Variants in AFF3 observed in about 807,000 individuals in gnomAD.
The protein encoded by AFF3 is AF4/FMR2 family member 3.
A neutral mutation model predicts 129.7 loss-of-function variants in AFF3; 32 were observed. That is an observed-to-expected ratio of 0.25 (90% confidence interval 0.19 to 0.33). The LOEUF (loss-of-function observed/expected upper bound fraction) is 0.33. AFF3 is among the 10% of genes least tolerant of loss of function. AFF3 has a pLI of 1.00. For missense variants in AFF3, 1,373 were observed against 1,592.0 expected (o/e 0.86, Z 2.34); for synonymous variants, 644 against 635.4 (o/e 1.01, Z -0.20).
chr2:99,575,414 A>ATTTTTTTTTTTTTTTTT (rs540441950), intron 18 of AFF3, among the ~76,000 whole-genome samples: 62 of 127,438 alleles, frequency 4.9e-4, no homozygotes, highest in African/African-American at 1.8e-3. Flanking sequence ...TGCCTGGCTA[A>ATTTTTTTTTTTTTTTTT]TTTTTTTTTT....
At chr2:99,611,864 G>C (rs1208743933) in intron 13 of AFF3, among the ~76,000 whole-genome samples, 1 of 150,712 alleles carries the variant, frequency 6.6e-6, no homozygotes, top group Non-Finnish European at 1.5e-5. Flanking sequence ...TCCAGCCTGG[G>C]CGACAGAGTG....
chr2:99,679,576 A>G (rs1674337465), intron 11 of AFF3, among the ~76,000 whole-genome samples: 1 of 152,200 alleles, frequency 6.6e-6, no homozygotes, highest in Admixed American at 6.5e-5. Context: ...GTCTTTCCCA[A>G]CAGTAAGCAT....
intron 7 of AFF3, among the ~76,000 whole-genome samples, chr2:99,948,638 C>A (rs535762789): frequency 5.3e-5 from 8 of 152,284 alleles, no homozygotes; most frequent in East Asian, 1.9e-4. Flanking sequence ...ATCCTCCTTG[C>A]CTAATTCTCA....
rs762635964 is a variant in AFF3 at position 99,594,212 on chromosome 2, C to T, written c.1449G>A (p.Leu483=). The T allele has an allele frequency of 3.1e-6, 5 of 1,614,038 alleles. No homozygotes were observed. The East Asian group carries it at 1.1e-4, about 36-fold the overall frequency. The change falls in exon 15 of 25, where the codon CTG becomes CTA. Residue 483 remains leucine (L), a synonymous_variant. Transcript: ENST00000672756. ...NKVNPHKPPI[L]IQNESHGSES... is the part of the protein sequence containing the mutation. ...CTGACCCGTGGCTTTCATTTTGGAT[C>T]AGAATAGGAGGCTTGTGGGGATTAA...
chr2:99,918,485 C>T (rs542756983), intron 7 of AFF3, among the ~76,000 whole-genome samples: 128 of 152,302 alleles, frequency 8.4e-4, no homozygotes, highest in African/African-American at 3.0e-3. Flanking sequence ...TTACCAGGTT[C>T]AGGTCCTGCC....
chr2:100,091,514 A>G (rs1386413816), intron 4 of AFF3, among the ~76,000 whole-genome samples: 8 of 117,990 alleles, frequency 6.8e-5, no homozygotes, highest in Non-Finnish European at 1.0e-4. Flanking sequence ...TATGACATAG[A>G]TGTATGCCAA....
rs776166566 is a variant in AFF3, at chr2:99,744,153, G to C, written c.1003-13C>G. 31 of 1,597,590 alleles carry C rather than the reference G, an allele frequency of 1.9e-5. No homozygotes were observed. In the South Asian group the frequency reaches 3.5e-4, roughly 18 times the overall value. The stretch of plus-strand genomic sequence containing the variant: ...CAAGCTGAGAGTCCTGAAAGAACAA[G>C]AAATATCAATTAATTTTCTTATTTT... On this transcript the variant is annotated splice_polypyrimidine_tract_variant and intron_variant, in intron 9 of 24. Coordinates refer to ENST00000672756, the MANE Select transcript of AFF3 (RefSeq NM_001386135.1).
At chr2:100,022,503 C>T (rs571058368) in intron 4 of AFF3, among the ~76,000 whole-genome samples, 5 of 151,622 alleles carry the variant, frequency 3.3e-5, no homozygotes, top group South Asian at 4.2e-4. Flanking sequence ...CTCCGCCTTC[C>T]GGGTTCAAGA....
At chr2:100,007,699 G>A (rs976530479) in intron 5 of AFF3, 38 of 513,296 alleles carry the variant, frequency 7.4e-5, no homozygotes, top group South Asian at 5.4e-4. Context: ...GGCCGGGCGC[G>A]GTGGCTGGCT....
chr2:100,005,343 AAACCATTTT>A (rs1363314113), intron 7 of AFF3, among the ~76,000 whole-genome samples: 2 of 152,218 alleles, frequency 1.3e-5, no homozygotes, highest in African/African-American at 2.4e-5. Context: ...TGGTAGATAA[AAACCATTTT>A]AACAAGAAGT....
At chr2:99,769,494 A>G (rs1683289788) in intron 8 of AFF3, among the ~76,000 whole-genome samples, 1 of 152,206 alleles carries the variant, frequency 6.6e-6, no homozygotes, top group Non-Finnish European at 1.5e-5. Context: ...AGTCCCTGAC[A>G]CCTTATGCCT....
chr2:99,569,694 C>CT (rs528464049), intron 18 of AFF3, among the ~76,000 whole-genome samples: 126 of 152,232 alleles, frequency 8.3e-4, no homozygotes, highest in African/African-American at 2.8e-3. Context: ...TAGACAGTAT[C>CT]TTTAAGTGTT....
In AFF3 at chr2:99,796,003, T is replaced by C. The variant is rs117605670; in HGVS notation, c.921+41474A>G. On this transcript the variant is annotated intron_variant, in intron 8 of 24. Coordinates refer to ENST00000672756, the MANE Select transcript of AFF3 (RefSeq NM_001386135.1). ...TGAGGAACAGGGGCAATTTAGAAGATTGTTTAGTATCTATATTCTTATTTA... is the reference window on the plus strand; with the variant it reads ...TGAGGAACAGGGGCAATTTAGAAGACTGTTTAGTATCTATATTCTTATTTA... 3.9e-5 allele frequency among the ~76,000 whole-genome samples: 6 copies of C among 152,300 alleles called. No homozygotes were observed. In the East Asian group the frequency reaches 1.2e-3, roughly 29 times the overall value.
At chr2:99,957,377 T>C (rs1042056910) in intron 7 of AFF3, among the ~76,000 whole-genome samples, 2 of 152,060 alleles carry the variant, frequency 1.3e-5, no homozygotes, top group Admixed American at 6.6e-5. Context: ...CTAAAGACAA[T>C]AATCCAGCAT....
chr2:99,571,177 T>C (rs1575387031), intron 18 of AFF3, among the ~76,000 whole-genome samples: 1 of 152,048 alleles, frequency 6.6e-6, no homozygotes, highest in Admixed American at 6.6e-5. Context: ...TAGAAAAGAG[T>C]GGTGCCTTCC....
rs901781786 is a variant in AFF3, at chr2:99,547,133, C to T, written c.*4341G>A. On this transcript the variant is annotated 3_prime_UTR_variant, in exon 25 of 25. Transcript: ENST00000672756. ...TTTATGAAACAAAAAGATTGCTTTTCGAGATTATAAACTGGGAGCCAGAAC... is the reference window on the plus strand; with the variant it reads ...TTTATGAAACAAAAAGATTGCTTTTTGAGATTATAAACTGGGAGCCAGAAC... 14 of 218,070 alleles carry T rather than the reference C, an allele frequency of 6.4e-5. No individual in the cohort carries two copies. Among genetic ancestry groups the T allele is most frequent in the Middle Eastern group, 1.4e-3 (1 of 728 alleles). 13.5% of individuals were successfully genotyped at this position (218,070 alleles called of 1,614,324 possible). A position where few individuals can be genotyped will look rare whatever the true frequency, so the allele number is the denominator to read the frequency against.
chr2:99,593,708 G>A lies in AFF3; in HGVS notation c.1953C>T (p.Arg651=), dbSNP rs1186736985. 9 of 1,610,242 alleles carry A rather than the reference G, an allele frequency of 5.6e-6. No individual in the cohort carries two copies. Among genetic ancestry groups the A allele is most frequent in the Non-Finnish European group, 6.8e-6 (8 of 1,177,890 alleles). Residue 651 remains arginine, a synonymous_variant, in exon 15 of 25, where the codon CGC becomes CGT. Transcript: ENST00000672756. ...GGACGATCCTGCTTAGCCCCCGCGTGCGGCGCTTCTCGCAGGTCACGGAGG... is the reference window on the plus strand; with the variant it reads ...GGACGATCCTGCTTAGCCCCCGCGTACGGCGCTTCTCGCAGGTCACGGAGG... ...LRSSVTCEKR[R]TRGLSRIVPK...
chr2:100,105,856 G>C, intron 2 of AFF3: 1 of 1,336,646 alleles, frequency 7.5e-7, no homozygotes, highest in Non-Finnish European at 9.9e-7. Flanking sequence ...CTGCAGTTGT[G>C]CCTCACCACG....
chr2:99,791,955 T>C (rs1685226017), intron 8 of AFF3, among the ~76,000 whole-genome samples: 1 of 152,130 alleles, frequency 6.6e-6, no homozygotes, highest in South Asian at 2.1e-4. Context: ...CAGATATGCT[T>C]CATTTGGGCA....
Sources: gnomAD v4.1 joint callset for allele counts (sites outside exome capture counted in the v4.1 genomes callset) on GRCh38, gnomAD v4.1.1 for gene constraint, MANE v1.5 for transcripts, NCBI Gene and HGNC (gene_info 2026-07-23, HGNC 2026-07-21) for gene names.